Variants in CCDC134 observed in about 807,000 individuals in gnomAD.
CCDC134 encodes the protein coiled-coil domain-containing protein 134.
Under a neutral mutation model 25.6 loss-of-function variants are expected in CCDC134, and 27 were observed. The ratio of observed to expected loss-of-function variants is 1.05; its 90% CI spans 0.78 to 1.45. The LOEUF is 1.45. Ranked by LOEUF, CCDC134 falls within the 40% of genes most tolerant of loss-of-function variation. The pLI is 0.00. For missense variants in CCDC134, 261 were observed against 286.7 expected, an observed-to-expected ratio of 0.91 and a Z score of 0.65; for synonymous variants, 110 against 115.0, an observed-to-expected ratio of 0.96 and a Z score of 0.28.
chr22:41,808,833 G>T, intron 1 of CCDC134, 42 bp from the exon 2 acceptor site: 2 of 1,460,912 alleles, frequency 1.4e-6, no homozygotes, highest in African/African-American at 2.8e-5. Context: ...ATGTAACACC[G>T]ATCTCTGAGT....
chr22:41,801,624 G>A (rs1273947924), intron 1 of CCDC134, among the ~76,000 whole-genome samples: 4 of 152,146 alleles, frequency 2.6e-5, no homozygotes, highest in African/African-American at 7.2e-5. Flanking sequence ...GTACCTGACC[G>A]ACACCCTCTC....
intron 6 of CCDC134, among the ~76,000 whole-genome samples, chr22:41,821,605 T>C (rs1041725257): frequency 3.3e-5 from 5 of 151,928 alleles, no homozygotes; most frequent in Admixed American, 2.0e-4. Flanking sequence ...TGGAGGACAA[T>C]GTGGTTTCCA....
chr22:41,813,442 C>G lies in CCDC134; in HGVS notation c.489C>G (p.Ser163Arg). 1 of 1,614,190 alleles carries G rather than the reference C, an allele frequency of 6.2e-7. No homozygotes were observed. ...FNQGPHSPIL[S>R]LMAQELGISE... ...AGGGGCCCCACTCGCCCATCCTCAGCCTGGTAAGGACTGGGGTGGAGGTGG... is the reference window on the plus strand; with the variant it reads ...AGGGGCCCCACTCGCCCATCCTCAGGCTGGTAAGGACTGGGGTGGAGGTGG... Residue 163 changes from serine (S) to arginine (R), a missense_variant, in exon 5 of 7, where the codon AGC becomes AGG. Transcript: ENST00000255784.
chr22:41,810,224 G>A lies in CCDC134; in HGVS notation c.243G>A (p.Arg81=). The change falls in exon 4 of 7, where the codon CGG becomes CGA. Residue 81 remains arginine (R), a synonymous_variant. Coordinates refer to ENST00000255784, the MANE Select transcript of CCDC134 (RefSeq NM_024821.5). ...TCCCTCAGGTGCTGGAGGACTCCCG[G>A]ACAGTGCTCACCGCTGCTGATGTGC... The part of the protein sequence containing the change: ...KGLFKVLEDS[R]TVLTAADVLP... The A allele has an allele frequency of 6.2e-7, 1 of 1,614,044 alleles. No homozygotes were observed. The highest frequency in any genetic ancestry group is 8.5e-7 in the Non-Finnish European group (1 of 1,179,966).
At chr22:41,805,247 A>G (rs1387612267) in intron 1 of CCDC134, among the ~76,000 whole-genome samples, 4 of 152,112 alleles carry the variant, frequency 2.6e-5, no homozygotes, top group Non-Finnish European at 4.4e-5. Context: ...CCTGGGAAAC[A>G]TGCCCAAACC....
At chr22:41,808,419 G>C (rs908727354) in intron 1 of CCDC134, among the ~76,000 whole-genome samples, 1 of 152,060 alleles carries the variant, frequency 6.6e-6, no homozygotes, top group Admixed American at 6.6e-5. Flanking sequence ...GGGAGACCAG[G>C]ATAGGGGATG....
intron 6 of CCDC134, among the ~76,000 whole-genome samples, chr22:41,818,160 T>C (rs972666880): frequency 6.6e-6 from 1 of 152,172 alleles, no homozygotes; most frequent in East Asian, 1.9e-4. Context: ...GGAAATAGGC[T>C]CAGCTTCCAG....
chr22:41,802,732 G>A (rs1462836683), intron 1 of CCDC134, among the ~76,000 whole-genome samples: 3 of 151,978 alleles, frequency 2.0e-5, no homozygotes, highest in Non-Finnish European at 4.4e-5. Context: ...GGCTAACACG[G>A]TGAAACCCCA....
Position 41,830,167 on chromosome 22 carries a change from A to G in CCDC134, c.*4344A>G, listed in dbSNP as rs2076698597. On this transcript the variant is annotated 3_prime_UTR_variant, in exon 7 of 7. Coordinates refer to ENST00000255784, the MANE Select transcript of CCDC134 (RefSeq NM_024821.5). ...GCCAGCCCTTGTCCTCCTGCTAGCC[A>G]GAGCAAGGTACCACCTGGAAGAGAT... Among the ~76,000 whole-genome samples the G allele has an allele frequency of 6.6e-6, 1 of 152,254 alleles. No homozygotes were observed.
At chr22:41,809,699 T>A (rs574212116) in intron 2 of CCDC134, among the ~76,000 whole-genome samples, 180 bp from the exon 3 acceptor site, 4 of 152,120 alleles carry the variant, frequency 2.6e-5, no homozygotes, top group African/African-American at 9.7e-5. Flanking sequence ...GGGAACTGGA[T>A]GAATAGTGCG....
chr22:41,802,690 G>A (rs532494350), intron 1 of CCDC134, among the ~76,000 whole-genome samples: 2 of 152,218 alleles, frequency 1.3e-5, no homozygotes, highest in South Asian at 2.1e-4. Context: ...CGAGGCAGGC[G>A]GATCATGAGG....
intron 1 of CCDC134, among the ~76,000 whole-genome samples, chr22:41,806,250 G>A (rs978988587): frequency 1.6e-4 from 20 of 128,584 alleles, no homozygotes; most frequent in East Asian, 4.7e-4. Flanking sequence ...TCGCAGTCTC[G>A]CTCTGTTGCC....
intron 4 of CCDC134, among the ~76,000 whole-genome samples, chr22:41,810,905 C>T (rs986140293): frequency 2.6e-5 from 4 of 152,176 alleles, no homozygotes; most frequent in Admixed American, 2.6e-4. Flanking sequence ...TGGGGGAAGA[C>T]ACTGTTCTCT....
At chr22:41,808,741 G>A in intron 1 of CCDC134, 134 bp from the exon 2 acceptor site, 1 of 695,868 alleles carries the variant, frequency 1.4e-6, no homozygotes. Context: ...TGCAGCTTCA[G>A]GGCTCCCCAA....
intron 5 of CCDC134, 47 bp from the exon 6 acceptor site, chr22:41,813,704 A>T (rs777483165): frequency 6.4e-7 from 1 of 1,566,266 alleles, no homozygotes; most frequent in South Asian, 1.1e-5. Flanking sequence ...TCTGGTGAGC[A>T]GGACTCAGGA....
intron 4 of CCDC134, among the ~76,000 whole-genome samples, chr22:41,812,187 C>T (rs961538334): frequency 6.6e-6 from 1 of 152,014 alleles, no homozygotes; most frequent in African/African-American, 2.4e-5. Flanking sequence ...TTTGGGAAGC[C>T]GAGGCAGGCG....
At position 41,813,616 on chromosome 22, in the gene CCDC134, C is replaced by T. The variant is rs1602239720; in HGVS notation, c.493-135C>T. ...CCATTTCAAGGGATTCTGTGCTGAC[C>T]CAGTTCCCATGGGATCATCATGTGG... On this transcript the variant is annotated intron_variant, in intron 5 of 6. Coordinates refer to ENST00000255784, the MANE Select transcript of CCDC134 (RefSeq NM_024821.5). 3.3e-6 allele frequency: 4 copies of T among 1,204,652 alleles called. No individual in the cohort carries two copies. The East Asian group carries it at 9.4e-5, about 28-fold the overall frequency. The allele number at this position is 1,204,652 out of a possible 1,614,324, so 74.6% of individuals were successfully genotyped here.
chr22:41,813,236 T>C, intron 4 of CCDC134, 28 bp from the exon 5 acceptor site: 1 of 1,612,890 alleles, frequency 6.2e-7, no homozygotes, highest in Non-Finnish European at 8.5e-7. Flanking sequence ...GCATCTGCCC[T>C]GGCCACTCAT....
Position 41,813,287 on chromosome 22 carries a change from A to G in CCDC134, c.334A>G (p.Thr112Ala). The G allele has an allele frequency of 6.2e-7, 1 of 1,614,146 alleles. No individual in the cohort carries two copies. Among genetic ancestry groups the G allele is most frequent in the Non-Finnish European group, 8.5e-7 (1 of 1,180,024 alleles). The change falls in exon 5 of 7, where the codon ACG becomes GCG. Residue 112 changes from threonine (T) to alanine (A), a missense_variant. Coordinates refer to ENST00000255784, the MANE Select transcript of CCDC134 (RefSeq NM_024821.5). ...AGCTTTCTCCCACGTGGTGGAGAAC[A>G]CGGCCTTCTTCGGCGATGTGGTGCT... is the stretch of plus-strand genomic sequence containing the variant. ...KDAFSHVVEN[T>A]AFFGDVVLRF...
Sources: allele counts gnomAD v4.1 joint callset (sites outside exome capture counted in the v4.1 genomes callset), GRCh38; gene constraint gnomAD v4.1.1; transcripts MANE v1.5; gene names NCBI Gene and HGNC (gene_info 2026-07-23, HGNC 2026-07-21).